CEP83: variants seen among roughly 807,000 people sequenced by gnomAD.
CEP83 encodes centrosomal protein of 83 kDa.
Under a neutral mutation model 101.9 loss-of-function variants are expected in CEP83, and 70 were observed. The ratio of observed to expected loss-of-function variants is 0.69; its 90% CI spans 0.57 to 0.84. The LOEUF is 0.84. CEP83 is among the 40% of genes least tolerant of loss of function. The pLI, the probability that CEP83 is intolerant of heterozygous loss-of-function variation, is 0.00. For synonymous variants in CEP83, 264 were observed against 267.9 expected, an observed-to-expected ratio of 0.99 and a Z score of 0.14; for missense variants, 715 against 787.2, an observed-to-expected ratio of 0.91 and a Z score of 1.10.
rs778188851 is a variant in CEP83, at chr12:94,367,904, C to A, written c.1233G>T (p.Met411Ile). 5.0e-6 allele frequency: 8 copies of A among 1,613,730 alleles called. No individual in the cohort carries two copies. Among genetic ancestry groups the A allele is most frequent in the Non-Finnish European group, 5.9e-6 (7 of 1,179,808 alleles). ...LENRLADLEK[M>I]KVEHDVWRQS... ...GCCTCCAGACATCATGTTCCACTTT[C>A]ATTTTCTCCAAATCTGCTAATCTGT... Residue 411 changes from methionine (M) to isoleucine (I), a missense_variant, in exon 11 of 17, where the codon ATG becomes ATT. Met to Ile is a conservative substitution (Grantham distance 10, BLOSUM62 1). Transcript: ENST00000397809.
intron 6 of CEP83, among the ~76,000 whole-genome samples, chr12:94,400,517 A>C (rs1320704570): frequency 6.6e-6 from 1 of 152,238 alleles, no homozygotes; most frequent in East Asian, 1.9e-4. Context: ...AACAATGCTA[A>C]GTAAGGAATC....
At chr12:94,426,232 T>A (rs1417520909) in intron 2 of CEP83, among the ~76,000 whole-genome samples, 1 of 152,204 alleles carries the variant, frequency 6.6e-6, no homozygotes, top group Non-Finnish European at 1.5e-5. Context: ...GCTTTGTAAA[T>A]GCTAATTTCC....
At chr12:94,423,034 C>A (rs994295710) in intron 2 of CEP83, among the ~76,000 whole-genome samples, 1 of 151,996 alleles carries the variant, frequency 6.6e-6, no homozygotes, top group African/African-American at 2.4e-5. Context: ...ACTGCCAAAT[C>A]TTTTTCCAAC....
At chr12:94,345,168 T>C (rs1349442245) in intron 11 of CEP83, among the ~76,000 whole-genome samples, 1 of 152,210 alleles carries the variant, frequency 6.6e-6, no homozygotes, top group African/African-American at 2.4e-5. Context: ...CAAATATTAA[T>C]CTTTTAGAAG....
At chr12:94,450,869 T>G (rs2067200554) in intron 1 of CEP83, among the ~76,000 whole-genome samples, 1 of 152,168 alleles carries the variant, frequency 6.6e-6, no homozygotes, top group Admixed American at 6.5e-5. Flanking sequence ...CTAAATTGTA[T>G]ATGGAAATGG....
At chr12:94,310,975 T>C (rs1331539372) in intron 15 of CEP83, among the ~76,000 whole-genome samples, 1 of 152,126 alleles carries the variant, frequency 6.6e-6, no homozygotes, top group Non-Finnish European at 1.5e-5. Context: ...AGCTTCAGGA[T>C]GGGGCAGGTC....
chr12:94,398,757 T>C (rs958115059), intron 6 of CEP83, among the ~76,000 whole-genome samples: 4 of 152,166 alleles, frequency 2.6e-5, no homozygotes, highest in African/African-American at 4.8e-5. Flanking sequence ...ATAAGGAAGA[T>C]ATCGCTAAAT....
chr12:94,349,152 G>T (rs763618570), intron 11 of CEP83, among the ~76,000 whole-genome samples: 2 of 151,950 alleles, frequency 1.3e-5, no homozygotes, highest in Non-Finnish European at 2.9e-5. Flanking sequence ...TAGGTGTGGT[G>T]GTGGGTGCCT....
chr12:94,459,419 C>CT (rs2067975111), intron 1 of CEP83, 138 bp downstream of exon 1: 2 of 152,252 alleles, frequency 1.3e-5, no homozygotes, highest in African/African-American at 4.8e-5. Context: ...GTGCGTCTCT[C>CT]TGCCTACTTT....
At chr12:94,382,760 C>A (rs2061919596) in intron 6 of CEP83, among the ~76,000 whole-genome samples, 1 of 151,878 alleles carries the variant, frequency 6.6e-6, no homozygotes, top group Non-Finnish European at 1.5e-5. Flanking sequence ...TATTTCATAG[C>A]CCAGGATATG....
chr12:94,396,905 T>G (rs925723586), intron 6 of CEP83, among the ~76,000 whole-genome samples: 2 of 152,240 alleles, frequency 1.3e-5, no homozygotes, highest in African/African-American at 2.4e-5. Context: ...AGCTCTACTT[T>G]GAAGTTTTCA....
intron 2 of CEP83, chr12:94,424,314 C>A (rs1467106564): frequency 1.4e-5 from 23 of 1,614,170 alleles, no homozygotes; most frequent in Non-Finnish European, 1.9e-5. Flanking sequence ...GGCCCGCCAT[C>A]AGCAAATTTG....
intron 14 of CEP83, among the ~76,000 whole-genome samples, chr12:94,323,701 C>G: frequency 6.6e-6 from 1 of 152,176 alleles, no homozygotes; most frequent in East Asian, 1.9e-4. Context: ...CCTTATTACA[C>G]TAACTAGAAC....
At chr12:94,313,526 T>C (rs1222347503) in intron 14 of CEP83, among the ~76,000 whole-genome samples, 1 of 76,830 alleles carries the variant, frequency 1.3e-5, no homozygotes, top group African/African-American at 5.9e-5. Context: ...CAAGAACCCA[T>C]TAAAAAAAAA....
intron 11 of CEP83, among the ~76,000 whole-genome samples, chr12:94,351,075 A>G (rs1449284905): frequency 2.0e-5 from 3 of 152,182 alleles, no homozygotes; most frequent in African/African-American, 7.2e-5. Context: ...TTCACATGAA[A>G]GAGAAAAAAA....
At chr12:94,306,280 A>G (rs187835052), downstream of CEP83, 41 of 152,056 alleles carry the variant, frequency 2.7e-4, no homozygotes, top group African/African-American at 8.2e-4. Context: ...ACACTGGAGT[A>G]TTATATATAA....
chr12:94,429,801 G>A (rs921914132), intron 2 of CEP83, among the ~76,000 whole-genome samples: 2 of 152,164 alleles, frequency 1.3e-5, no homozygotes, highest in Non-Finnish European at 2.9e-5. Context: ...TAAAATGTGA[G>A]TGAAACACAG....
chr12:94,380,071 C>CAAAAAAAAAAAAAAAAAAAAAAAAA (rs11362391), intron 6 of CEP83, among the ~76,000 whole-genome samples: 1 of 83,192 alleles, frequency 1.2e-5, no homozygotes, highest in South Asian at 4.1e-4. Flanking sequence ...CCCGGCCCTG[C>CAAAAAAAAAAAAAAAAAAAAAAAAA]AAAAAAAAAA....
intron 11 of CEP83, among the ~76,000 whole-genome samples, chr12:94,358,825 G>T (rs1424640137): frequency 6.6e-6 from 1 of 152,184 alleles, no homozygotes; most frequent in African/African-American, 2.4e-5. Context: ...CATGTTGGGA[G>T]CAACCCCCCA....
Sources: allele counts gnomAD v4.1 joint callset (sites outside exome capture counted in the v4.1 genomes callset), GRCh38; gene constraint gnomAD v4.1.1; transcripts MANE v1.5; gene names NCBI Gene and HGNC (gene_info 2026-07-23, HGNC 2026-07-21).